PCDHGA1: variants seen among roughly 807,000 people sequenced by gnomAD.
PCDHGA1 encodes the protein protocadherin gamma-A1.
A neutral mutation model predicts 58.0 loss-of-function variants in PCDHGA1; 32 were observed. The ratio of observed to expected loss-of-function variants is 0.55; its 90% CI spans 0.42 to 0.74. The LOEUF is 0.74. Ranked by LOEUF, PCDHGA1 falls within the 30% of genes least tolerant of loss-of-function variation. The probability of loss-of-function intolerance (pLI) is 0.00; values close to 1 mark genes in which losing one functional copy is unlikely to be tolerated. For missense variants in PCDHGA1, 1,205 were observed against 1,182.3 expected (o/e 1.02, Z -0.28); for synonymous variants, 498 against 501.1 (o/e 0.99, Z 0.08).
At chr5:141,378,354 C>T (rs994186879) in intron 1 of PCDHGA1, 5 of 152,210 alleles carry the variant, frequency 3.3e-5, no homozygotes, top group African/African-American at 1.2e-4. Flanking sequence ...GAAACCCCGT[C>T]TCTACTAAAA....
At chr5:141,447,280 C>T (rs2098533193) in intron 1 of PCDHGA1, among the ~76,000 whole-genome samples, 1 of 152,172 alleles carries the variant, frequency 6.6e-6, no homozygotes, top group Non-Finnish European at 1.5e-5. Context: ...GCTGGGACTA[C>T]AGGCACATGC....
intron 1 of PCDHGA1, among the ~76,000 whole-genome samples, chr5:141,348,872 G>C (rs1378126048): frequency 4.6e-5 from 7 of 152,130 alleles, no homozygotes; most frequent in Admixed American, 4.6e-4. Context: ...ATAAATTGTT[G>C]AGTTGGATCT....
At chr5:141,351,055 C>T (rs920408141) in intron 1 of PCDHGA1, 1 of 1,614,046 alleles carries the variant, frequency 6.2e-7, no homozygotes, top group Non-Finnish European at 8.5e-7. Flanking sequence ...TGGCCACAGA[C>T]CAGGATGAGG....
chr5:141,436,099 T>C (rs1400528271), intron 1 of PCDHGA1, among the ~76,000 whole-genome samples: 1 of 152,128 alleles, frequency 6.6e-6, no homozygotes, highest in Non-Finnish European at 1.5e-5. Flanking sequence ...TTGAGAGAAA[T>C]AGAGGACAAT....
intron 1 of PCDHGA1, chr5:141,430,850 A>T (rs1204872595): frequency 6.3e-7 from 1 of 1,582,670 alleles, no homozygotes; most frequent in South Asian, 1.2e-5. Context: ...ATGCACCCAG[A>T]TACGCTATTC....
At chr5:141,411,417 C>T (rs2095487286) in intron 1 of PCDHGA1, 1 of 148,614 alleles carries the variant, frequency 6.7e-6, no homozygotes, top group Non-Finnish European at 1.5e-5. Context: ...ACTAAAACAA[C>T]AACAACAAAA....
intron 1 of PCDHGA1, chr5:141,375,707 C>T (rs1483627086): frequency 1.1e-5 from 17 of 1,614,146 alleles, no homozygotes; most frequent in Non-Finnish European, 1.3e-5. Context: ...GGACCCGCCT[C>T]TTAGCAGCAA....
In PCDHGA1 at chr5:141,383,779, C is replaced by G. The variant is rs1779468390; in HGVS notation, c.2421+50674C>G. 1 of 1,614,002 alleles carries G rather than the reference C, an allele frequency of 6.2e-7. No homozygotes were observed. ...TCCTAAACTTCCAAAGATGTTTCATCTGAACTCGCTTACAGGAGAAATATC... is the reference window on the plus strand; with the variant it reads ...TCCTAAACTTCCAAAGATGTTTCATGTGAACTCGCTTACAGGAGAAATATC... On this transcript the variant is annotated intron_variant, in intron 1 of 3. Coordinates refer to ENST00000517417, the MANE Select transcript of PCDHGA1 (RefSeq NM_018912.3).
At chr5:141,360,723 A>C in intron 1 of PCDHGA1, 4 of 1,614,006 alleles carry the variant, frequency 2.5e-6, no homozygotes, top group Non-Finnish European at 3.4e-6. Context: ...AGTTGATTCT[A>C]AAACACTCTC....
At chr5:141,387,323 G>T (rs2090908841) in intron 1 of PCDHGA1, among the ~76,000 whole-genome samples, 1 of 152,154 alleles carries the variant, frequency 6.6e-6, no homozygotes, top group South Asian at 2.1e-4. Context: ...AGTAAGTATG[G>T]AAAATTACTG....
At chr5:141,408,636 C>A in intron 1 of PCDHGA1, 1 of 1,614,024 alleles carries the variant, frequency 6.2e-7, no homozygotes, top group Non-Finnish European at 8.5e-7. Flanking sequence ...ATTTTCGAAT[C>A]TGCATCCGCT....
At chr5:141,392,851 T>C in intron 1 of PCDHGA1, 1 of 1,611,148 alleles carries the variant, frequency 6.2e-7, no homozygotes, top group Non-Finnish European at 8.5e-7. Context: ...CGCGGCGAGC[T>C]GATCCTGCTG....
chr5:141,339,399 G>C, intron 1 of PCDHGA1: 1 of 1,614,228 alleles, frequency 6.2e-7, no homozygotes, highest in African/African-American at 1.3e-5. Flanking sequence ...CTAAAAATCA[G>C]TGAAACCACT....
At chr5:141,394,311 C>G in intron 1 of PCDHGA1, 3 of 1,613,986 alleles carry the variant, frequency 1.9e-6, no homozygotes, top group Non-Finnish European at 1.7e-6. Context: ...GCAGGGGGCG[C>G]CCCTGTCCTC....
intron 1 of PCDHGA1, chr5:141,346,453 T>A: frequency 2.5e-6 from 4 of 1,614,204 alleles, no homozygotes; most frequent in Non-Finnish European, 3.4e-6. Context: ...TCCAACCTAC[T>A]TCAGGTGAGT....
rs761528900 is a variant in PCDHGA1 at position 141,376,319 on chromosome 5, G to A, written c.2421+43214G>A. The A allele has an allele frequency of 2.5e-6, 4 of 1,614,220 alleles. No homozygotes were observed. In the East Asian group the frequency reaches 6.7e-5, roughly 27 times the overall value. On this transcript the variant is annotated intron_variant, in intron 1 of 3. Coordinates refer to ENST00000517417, the MANE Select transcript of PCDHGA1 (RefSeq NM_018912.3). ...CTCGCACTTTGTGGGCGTGGAAGGGGTTCGGGCTTTCCTGCAGACCTATTC... is the reference window on the plus strand; with the variant it reads ...CTCGCACTTTGTGGGCGTGGAAGGGATTCGGGCTTTCCTGCAGACCTATTC...
At chr5:141,379,014 T>C (rs1440666109) in intron 1 of PCDHGA1, 2 of 152,222 alleles carry the variant, frequency 1.3e-5, no homozygotes, top group South Asian at 4.1e-4. Context: ...TCTCCAGTCA[T>C]GAGTTGGAAG....
At chr5:141,395,525 G>T in intron 1 of PCDHGA1, 1 of 384,022 alleles carries the variant, frequency 2.6e-6, no homozygotes, top group Non-Finnish European at 4.6e-6. Context: ...CGTCCATACT[G>T]GTAATTTTGC....
intron 1 of PCDHGA1, chr5:141,408,651 C>T (rs373860648): frequency 6.2e-7 from 1 of 1,614,012 alleles, no homozygotes; most frequent in Non-Finnish European, 8.5e-7. Flanking sequence ...TCCGCTGGTA[C>T]ACGACTATCG....
Sources: gnomAD v4.1 joint callset for allele counts (sites outside exome capture counted in the v4.1 genomes callset) on GRCh38, gnomAD v4.1.1 for gene constraint, MANE v1.5 for transcripts, NCBI Gene and HGNC (gene_info 2026-07-23, HGNC 2026-07-21) for gene names.